SRGAP3: variants seen among roughly 807,000 people sequenced by gnomAD.
SRGAP3 encodes SLIT-ROBO Rho GTPase-activating protein 3.
SRGAP3 carries 39 observed loss-of-function variants against 121.1 expected under a neutral mutation model. The ratio of observed to expected loss-of-function variants is 0.32; its 90% CI spans 0.25 to 0.42. The LOEUF is 0.42. Among genes scored for constraint, SRGAP3 ranks in the 10% least tolerant of loss-of-function variants. The pLI is 1.00. For synonymous variants in SRGAP3, 601 were observed against 570.0 expected, an observed-to-expected ratio of 1.05 and a Z score of -0.77; for missense variants, 1,213 against 1,470.6, an observed-to-expected ratio of 0.82 and a Z score of 2.86.
chr3:9,299,836 C>T lies in SRGAP3; in HGVS notation n.442+26174G>A, dbSNP rs1436072988. On this transcript the variant is annotated intron_variant and non_coding_transcript_variant, in intron 3 of 3. Transcript: ENST00000490889. ...GAGGCAGGAGATTGAACCTGGGAGG[C>T]GGAGGTTGCGGTGAGCCAACATCAC... is the stretch of plus-strand genomic sequence containing the variant. Among the ~76,000 whole-genome samples, 8 of 151,978 alleles carry T rather than the reference C, an allele frequency of 5.3e-5. 1 individual carries two copies. The South Asian group carries it at 1.0e-3, about 20-fold the overall frequency.
At chr3:9,122,478 G>A (rs2124973302) in intron 2 of SRGAP3, among the ~76,000 whole-genome samples, 1 of 152,196 alleles carries the variant, frequency 6.6e-6, no homozygotes, top group Admixed American at 6.5e-5. Context: ...GGGAGGCCGA[G>A]GCGGGCGGAT....
intron 1 of SRGAP3, among the ~76,000 whole-genome samples, chr3:9,227,138 C>A (rs931829456): frequency 6.6e-6 from 1 of 152,196 alleles, no homozygotes; most frequent in African/African-American, 2.4e-5. Context: ...GTTCCTAGAT[C>A]TTCCCATTTT....
chr3:9,277,607 CAAAA>C (rs35955575), intron 3 of SRGAP3, among the ~76,000 whole-genome samples: 6 of 59,834 alleles, frequency 1.0e-4, no homozygotes, highest in African/African-American at 4.5e-4. Flanking sequence ...GAAGCCATCT[CAAAA>C]AAAAAAAAAA....
At chr3:9,042,321 T>A (rs573995958) in intron 10 of SRGAP3, among the ~76,000 whole-genome samples, 1 of 152,140 alleles carries the variant, frequency 6.6e-6, no homozygotes, top group East Asian at 1.9e-4. Context: ...CAAGTGTTCA[T>A]CAGGCACACA....
chr3:9,249,684 C>T (rs1317619694), upstream of SRGAP3: 1 of 232,630 alleles, frequency 4.3e-6, no homozygotes, highest in Non-Finnish European at 8.5e-6. Context: ...TCCCCCACTG[C>T]TCACGTCACT....
At position 9,124,969 on chromosome 3, in the gene SRGAP3, C is replaced by T. The variant is rs749972164; in HGVS notation, c.68-52G>A. On this transcript the variant is annotated intron_variant, in intron 1 of 21. Coordinates refer to ENST00000383836, the MANE Select transcript of SRGAP3 (RefSeq NM_014850.4). The stretch of plus-strand genomic sequence containing the variant: ...GAGACTGGTGGTGGGGACGGGGGCA[C>T]TGGGGCCCGCTCTGCTGCTGGCCTG... The T allele has an allele frequency of 2.4e-5, 39 of 1,606,142 alleles. No individual in the cohort carries two copies. In the South Asian group the frequency reaches 3.3e-4, roughly 14 times the overall value.
At chr3:9,309,394 C>A (rs1216332070) in intron 3 of SRGAP3, among the ~76,000 whole-genome samples, 1 of 152,176 alleles carries the variant, frequency 6.6e-6, no homozygotes, top group East Asian at 1.9e-4. Flanking sequence ...CCTCTATGCA[C>A]TTTAGTTAAC....
At chr3:9,020,109 G>A (rs1943840706) in intron 14 of SRGAP3, among the ~76,000 whole-genome samples, 1 of 152,182 alleles carries the variant, frequency 6.6e-6, no homozygotes, top group South Asian at 2.1e-4. Flanking sequence ...TGAGGCCCTG[G>A]CAGATGAAGC....
intron 2 of SRGAP3, among the ~76,000 whole-genome samples, chr3:9,122,903 C>A (rs1949068101): frequency 6.6e-6 from 1 of 151,984 alleles, no homozygotes; most frequent in Non-Finnish European, 1.5e-5. Context: ...GAGTGGAATG[C>A]AAAAAATGTG....
intron 4 of SRGAP3, among the ~76,000 whole-genome samples, chr3:9,065,821 G>A (rs891860046): frequency 4.6e-5 from 7 of 152,132 alleles, no homozygotes; most frequent in Admixed American, 4.6e-4. Flanking sequence ...TCTTTGTGTG[G>A]ACATGTATTT....
chr3:9,107,848 C>T (rs1560164817), intron 2 of SRGAP3, among the ~76,000 whole-genome samples: 1 of 152,336 alleles, frequency 6.6e-6, no homozygotes. Context: ...TGTGTCATCA[C>T]GTCCAGCACC....
intron 3 of SRGAP3, among the ~76,000 whole-genome samples, chr3:9,086,541 A>T (rs1040457137): frequency 7.4e-5 from 11 of 148,666 alleles, no homozygotes; most frequent in Admixed American, 2.0e-4. Context: ...AAAAAAAACC[A>T]TATATACGTA....
intron 10 of SRGAP3, among the ~76,000 whole-genome samples, chr3:9,044,940 G>A (rs570542727): frequency 5.7e-4 from 86 of 152,034 alleles, no homozygotes; most frequent in African/African-American, 1.9e-3. Flanking sequence ...TATCTTTATC[G>A]TGTAGTGGCT....
chr3:9,107,198 C>T (rs536498476), intron 2 of SRGAP3, among the ~76,000 whole-genome samples: 1 of 152,252 alleles, frequency 6.6e-6, no homozygotes. Context: ...TAGACCCCAA[C>T]TAGAATCCCT....
chr3:9,075,441 AG>A (rs1946930021), intron 4 of SRGAP3, among the ~76,000 whole-genome samples: 1 of 152,154 alleles, frequency 6.6e-6, no homozygotes, highest in Non-Finnish European at 1.5e-5. Context: ...TTTAAAGAGG[AG>A]GGTGCCTCAA....
chr3:9,070,328 C>T (rs1004198043), intron 4 of SRGAP3, among the ~76,000 whole-genome samples: 1 of 140,186 alleles, frequency 7.1e-6, no homozygotes, highest in Non-Finnish European at 1.7e-5. Context: ...TGTCCCTGGG[C>T]ACAGTGGCTC....
At chr3:8,994,289 C>T (rs1559862503) in intron 19 of SRGAP3, 54 bp downstream of exon 19, 2 of 1,609,272 alleles carry the variant, frequency 1.2e-6, no homozygotes, top group Non-Finnish European at 1.7e-6. Flanking sequence ...GTGCCCATCC[C>T]AGACATCACT....
intron 3 of SRGAP3, 146 bp downstream of exon 3, chr3:9,104,534 C>T: frequency 9.0e-7 from 1 of 1,105,264 alleles, no homozygotes; most frequent in African/African-American, 1.5e-5. Flanking sequence ...GTCCCAAGTC[C>T]AGCCCTCAGC....
chr3:9,077,978 T>A (rs926555818), intron 4 of SRGAP3, among the ~76,000 whole-genome samples: 1 of 152,046 alleles, frequency 6.6e-6, no homozygotes, highest in African/African-American at 2.4e-5. Flanking sequence ...TCCCAGGGAG[T>A]TTATACTCCA....
Sources: gnomAD v4.1 joint callset for allele counts (sites outside exome capture counted in the v4.1 genomes callset) on GRCh38, gnomAD v4.1.1 for gene constraint, MANE v1.5 for transcripts, NCBI Gene and HGNC (gene_info 2026-07-23, HGNC 2026-07-21) for gene names.